ZNF804A: variants seen among roughly 807,000 people sequenced by gnomAD.
ZNF804A encodes zinc finger protein 804A.
In ZNF804A, 2 loss-of-function variants were observed where a neutral mutation model predicts 16.5. The observed-to-expected ratio is 0.12, with a 90% CI of 0.05 to 0.38. ZNF804A has a LOEUF of 0.38. ZNF804A is among the 10% of genes least tolerant of loss of function. The pLI is 0.99. For synonymous variants in ZNF804A, 534 were observed against 489.6 expected (o/e 1.09, Z -1.20); for missense variants, 1,473 against 1,390.7 (o/e 1.06, Z -0.94).
intron 1 of ZNF804A, among the ~76,000 whole-genome samples, chr2:184,704,340 C>CG (rs1461715763): frequency 6.6e-6 from 1 of 151,858 alleles, no homozygotes; most frequent in African/African-American, 2.4e-5. Context: ...TTAGTAGAGA[C>CG]GGGGTTTCTC....
intron 1 of ZNF804A, among the ~76,000 whole-genome samples, chr2:184,695,366 C>A (rs1160806609): frequency 2.7e-5 from 4 of 145,610 alleles, no homozygotes; most frequent in African/African-American, 7.8e-5. Flanking sequence ...GAGGCTGAGG[C>A]AGGAGAATGG....
At chr2:184,684,857 CT>C (rs1692602462) in intron 1 of ZNF804A, among the ~76,000 whole-genome samples, 1 of 152,184 alleles carries the variant, frequency 6.6e-6, no homozygotes, top group South Asian at 2.1e-4. Flanking sequence ...TGACCTCTAG[CT>C]CTGTCCACAT....
chr2:184,921,064 A>G (rs11681373), intron 2 of ZNF804A, among the ~76,000 whole-genome samples: 46,230 of 152,058 alleles, frequency 0.3, 8,547 homozygotes, highest in East Asian at 0.5. Context: ...ACGGAGTTTT[A>G]CCATATTGGC....
chr2:184,627,666 A>G (rs1691527689), intron 1 of ZNF804A, among the ~76,000 whole-genome samples: 1 of 152,232 alleles, frequency 6.6e-6, no homozygotes, highest in Non-Finnish European at 1.5e-5. Flanking sequence ...AAAATATACT[A>G]TTTAAATAAT....
At chr2:184,621,726 T>A (rs1467135102) in intron 1 of ZNF804A, among the ~76,000 whole-genome samples, 10 of 151,822 alleles carry the variant, frequency 6.6e-5, no homozygotes, top group Admixed American at 2.6e-4. Flanking sequence ...GAAATATTTT[T>A]AAAAATTATC....
At chr2:184,894,963 G>C (rs947439879) in intron 2 of ZNF804A, among the ~76,000 whole-genome samples, 2 of 152,094 alleles carry the variant, frequency 1.3e-5, no homozygotes, top group Admixed American at 1.3e-4. Context: ...AGATTCTTAA[G>C]ATATACGTAA....
intron 1 of ZNF804A, among the ~76,000 whole-genome samples, chr2:184,775,479 G>A (rs1031252950): frequency 6.6e-6 from 1 of 151,340 alleles, no homozygotes; most frequent in African/African-American, 2.4e-5. Flanking sequence ...TAGAGTGGCC[G>A]GTGCCATTTC....
At chr2:184,806,125 CTAT>C (rs1694798501) in intron 1 of ZNF804A, among the ~76,000 whole-genome samples, 1 of 151,884 alleles carries the variant, frequency 6.6e-6, no homozygotes, top group African/African-American at 2.4e-5. Context: ...GTATCCATCA[CTAT>C]TGACTTTAGA....
chr2:184,771,678 C>T lies in ZNF804A; in HGVS notation c.112-94691C>T, dbSNP rs149119450. ...TAAAAGTCTACTCCCAAGATCACTTCAGTTGGCAGAATTCACTACCTTATT... is the reference window on the plus strand; with the variant it reads ...TAAAAGTCTACTCCCAAGATCACTTTAGTTGGCAGAATTCACTACCTTATT... On this transcript the variant is annotated intron_variant, in intron 1 of 3. Transcript: ENST00000302277. Among the ~76,000 whole-genome samples the T allele has an allele frequency of 2.1e-3, 327 of 152,110 alleles. 1 individual carries two copies. Among genetic ancestry groups the T allele is most frequent in the Middle Eastern group, 6.8e-3 (2 of 292 alleles).
intron 1 of ZNF804A, among the ~76,000 whole-genome samples, chr2:184,846,705 G>A (rs1394201830): frequency 2.6e-5 from 4 of 151,960 alleles, no homozygotes; most frequent in African/African-American, 9.7e-5. Context: ...TTCCAAACAT[G>A]AAGGTGACTA....
At chr2:184,624,216 A>G (rs1691461742) in intron 1 of ZNF804A, among the ~76,000 whole-genome samples, 2 of 152,130 alleles carry the variant, frequency 1.3e-5, no homozygotes, top group Admixed American at 1.3e-4. Context: ...TGATACAACT[A>G]TGTGTATGTA....
At chr2:184,789,420 CTT>C (rs1574213265) in intron 1 of ZNF804A, among the ~76,000 whole-genome samples, 2 of 152,102 alleles carry the variant, frequency 1.3e-5, no homozygotes, top group East Asian at 3.9e-4. Context: ...AACAGCTCTT[CTT>C]TGTGTGTCTA....
intron 1 of ZNF804A, among the ~76,000 whole-genome samples, chr2:184,829,899 C>CAAAAAAAAAAAAAAAAAAAAAA (rs1244566222): frequency 7.2e-4 from 28 of 38,866 alleles, no homozygotes; most frequent in East Asian, 1.6e-3. Flanking sequence ...CTGTCTCTAC[C>CAAAAAAAAAAAAAAAAAAAAAA]AAAAAAAAAA....
At chr2:184,851,683 T>C (rs536853449) in intron 1 of ZNF804A, among the ~76,000 whole-genome samples, 1 of 151,990 alleles carries the variant, frequency 6.6e-6, no homozygotes, top group South Asian at 2.1e-4. Context: ...ACCAATTTCA[T>C]TTCTTTTGGA....
intron 2 of ZNF804A, among the ~76,000 whole-genome samples, chr2:184,899,748 TTTCTGTTTAAGG>T (rs1280116786): frequency 1.3e-5 from 2 of 151,936 alleles, no homozygotes; most frequent in African/African-American, 4.8e-5. Flanking sequence ...ATCTTATTTG[TTTCTGTTTAAGG>T]TGAATATAAA....
In ZNF804A at chr2:184,913,489, A is replaced by T. The variant is rs140562917; in HGVS notation, c.256-20114A>T. Among the ~76,000 whole-genome samples, 497 of 152,184 alleles carry T rather than the reference A, an allele frequency of 3.3e-3. 2 individuals are homozygous for T. The highest frequency in any genetic ancestry group is 0.011 in the African/African-American group (476 of 41,546). ...TCCCTCAGCTCTTGTTTCTCTGTGAATGTCTTAATTTTTGCTTTATTTCTG... is the reference window on the plus strand; with the variant it reads ...TCCCTCAGCTCTTGTTTCTCTGTGATTGTCTTAATTTTTGCTTTATTTCTG... On this transcript the variant is annotated intron_variant, in intron 2 of 3. Coordinates refer to ENST00000302277, the MANE Select transcript of ZNF804A (RefSeq NM_194250.2).
chr2:184,615,074 G>A (rs1029643541), intron 1 of ZNF804A, among the ~76,000 whole-genome samples: 1 of 152,174 alleles, frequency 6.6e-6, no homozygotes, highest in African/African-American at 2.4e-5. Context: ...CTACTCTAAA[G>A]ACACATGCAC....
intron 2 of ZNF804A, among the ~76,000 whole-genome samples, chr2:184,891,097 A>G (rs915877536): frequency 2.0e-5 from 3 of 152,120 alleles, no homozygotes; most frequent in Non-Finnish European, 4.4e-5. Flanking sequence ...TGTATTAAAA[A>G]TTCAAATTAA....
chr2:184,840,214 C>A (rs1695415327), intron 1 of ZNF804A, among the ~76,000 whole-genome samples: 1 of 152,038 alleles, frequency 6.6e-6, no homozygotes, highest in African/African-American at 2.4e-5. Flanking sequence ...CATGGTGAAA[C>A]CTCATCTCCA....
Sources: allele counts gnomAD v4.1 joint callset (sites outside exome capture counted in the v4.1 genomes callset), GRCh38; gene constraint gnomAD v4.1.1; transcripts MANE v1.5; gene names NCBI Gene and HGNC (gene_info 2026-07-23, HGNC 2026-07-21).